Variants in NME1 observed in about 807,000 individuals in gnomAD.
The protein encoded by NME1 is NME/NM23 nucleoside diphosphate kinase 1, also known as nucleoside diphosphate kinase A.
Under a neutral mutation model 17.2 loss-of-function variants are expected in NME1, and 9 were observed. That is an observed-to-expected ratio of 0.52 (90% CI 0.32 to 0.92). The LOEUF (loss-of-function observed/expected upper bound fraction) is 0.92. Ranked by LOEUF, NME1 falls within the 40% of genes least tolerant of loss-of-function variation. NME1 has a pLI of 0.04. For synonymous variants in NME1, 72 were observed against 70.8 expected, an observed-to-expected ratio of 1.02 and a Z score of -0.09; for missense variants, 169 against 201.7, an observed-to-expected ratio of 0.84 and a Z score of 0.98.
intron 2 of NME1, among the ~76,000 whole-genome samples, chr17:51,159,711 T>G (rs1245155739): frequency 1.3e-5 from 2 of 152,026 alleles, no homozygotes; most frequent in African/African-American, 4.8e-5. Context: ...TTTGATTTTT[T>G]TTTAAATGAG....
At chr17:51,157,580 T>C (rs895713927) in intron 2 of NME1, among the ~76,000 whole-genome samples, 7 of 151,708 alleles carry the variant, frequency 4.6e-5, no homozygotes, top group African/African-American at 1.7e-4. Context: ...GAAGGTAACA[T>C]GAGATGGATG....
At chr17:51,161,050 A>C in intron 3 of NME1, 110 bp from the exon 4 acceptor site, 4 of 1,063,562 alleles carry the variant, frequency 3.8e-6, no homozygotes, top group Non-Finnish European at 4.3e-6. Flanking sequence ...TCAGTGAATG[A>C]ATATAATCTT....
intron 3 of NME1, chr17:51,160,959 A>G: frequency 5.6e-6 from 4 of 709,562 alleles, no homozygotes; most frequent in Non-Finnish European, 1.0e-5. Flanking sequence ...TGGAGAATAC[A>G]TTGTAGAAAG....
intron 3 of NME1, among the ~76,000 whole-genome samples, chr17:51,160,899 T>C (rs993041161): frequency 6.6e-6 from 1 of 152,118 alleles, no homozygotes; most frequent in African/African-American, 2.4e-5. Flanking sequence ...CGTGAGCCAC[T>C]GCGCCCTGCC....
At chr17:51,161,701 C>A in intron 4 of NME1, 27 bp from the exon 5 acceptor site, 1 of 1,531,500 alleles carries the variant, frequency 6.5e-7, no homozygotes, top group South Asian at 1.1e-5. Flanking sequence ...TGGTCTTGGT[C>A]ATGTGACTAT....
Position 51,161,944 on chromosome 17 carries a change from T to C in NME1, c.*99T>C. 1 of 834,670 alleles carries C rather than the reference T, an allele frequency of 1.2e-6. No homozygotes were observed. Among genetic ancestry groups the C allele is most frequent in the South Asian group, 1.4e-5 (1 of 73,058 alleles). 51.7% of individuals were successfully genotyped at this position (834,670 alleles called of 1,614,324 possible). Reference sequence around the variant, plus strand: ...AATCTAGTTATTTACAGGAACTTCATCATAATTTGGAGGGAAGCTCTTGGA... The same window carrying C: ...AATCTAGTTATTTACAGGAACTTCACCATAATTTGGAGGGAAGCTCTTGGA... On this transcript the variant is annotated 3_prime_UTR_variant, in exon 5 of 5. Coordinates refer to ENST00000393196, the MANE Select transcript of NME1 (RefSeq NM_000269.3).
chr17:51,160,412 A>G (rs1002878432), intron 3 of NME1: 11 of 397,496 alleles, frequency 2.8e-5, no homozygotes, highest in African/African-American at 2.3e-4. Context: ...CAGCATGTGC[A>G]AAGGTCCCAG....
intron 2 of NME1, among the ~76,000 whole-genome samples, chr17:51,159,186 G>A (rs1318278478): frequency 6.6e-6 from 1 of 152,214 alleles, no homozygotes; most frequent in Non-Finnish European, 1.5e-5. Flanking sequence ...AGGCATGGTG[G>A]GTCACGCCTG....
chr17:51,154,425 A>C lies in NME1; in HGVS notation c.-5+763A>C, dbSNP rs141372856. 65 of 1,613,966 alleles carry C rather than the reference A, an allele frequency of 4.0e-5. No homozygotes were observed. In the African/African-American group the frequency reaches 7.3e-4, roughly 18 times the overall value. ...CGTCTTTCAAGGCGAGGGGCCTCCT[A>C]TCTCAAGCTGTGATACAGGGTAGGT... On this transcript the variant is annotated intron_variant, in intron 1 of 4. Transcript: ENST00000393196.
chr17:51,161,381 A>C, intron 4 of NME1, 109 bp downstream of exon 4: 2 of 1,091,764 alleles, frequency 1.8e-6, no homozygotes, highest in South Asian at 2.7e-5. Context: ...GGTTGATTTT[A>C]TCGGAGTTTA....
At chr17:51,158,297 C>T (rs373817285) in intron 2 of NME1, among the ~76,000 whole-genome samples, 38 of 151,740 alleles carry the variant, frequency 2.5e-4, no homozygotes, top group African/African-American at 8.7e-4. Flanking sequence ...GATAATTAGC[C>T]GGGTGTAGTG....
At chr17:51,158,261 C>T (rs935359896) in intron 2 of NME1, among the ~76,000 whole-genome samples, 3 of 152,120 alleles carry the variant, frequency 2.0e-5, no homozygotes, top group African/African-American at 7.2e-5. Flanking sequence ...GCCTGGGTAA[C>T]AGAGCAAGAC....
chr17:51,159,107 G>A (rs1431153487), intron 2 of NME1, among the ~76,000 whole-genome samples: 2 of 152,096 alleles, frequency 1.3e-5, no homozygotes, highest in Non-Finnish European at 2.9e-5. Flanking sequence ...TTTTATTTGG[G>A]GTTTGCTCTG....
At chr17:51,154,363 G>C in intron 1 of NME1, 1 of 1,613,704 alleles carries the variant, frequency 6.2e-7, no homozygotes, top group Non-Finnish European at 8.5e-7. Flanking sequence ...ACAGGAAGAT[G>C]GGGCCAAGAG....
Position 51,161,845 on chromosome 17 carries a change from A to G in NME1, c.459A>G (p.Ter153TrpextTer91), listed in dbSNP as rs769971227. ...GTGCTCAGAACTGGATCTATGAATGACAGGAGGGCAGACCACATTGCTTTT... is the reference window on the plus strand; with the variant it reads ...GTGCTCAGAACTGGATCTATGAATGGCAGGAGGGCAGACCACATTGCTTTT... ...TSCAQNWIYE[*>W] The change falls in exon 5 of 5, where the codon TGA (stop) becomes TGG (tryptophan). Residue 153 changes from the stop codon to tryptophan (W), a stop_lost. Coordinates refer to ENST00000393196, the MANE Select transcript of NME1 (RefSeq NM_000269.3). 8.2e-6 allele frequency: 13 copies of G among 1,590,460 alleles called. No homozygotes were observed. The highest frequency in any genetic ancestry group is 1.7e-4 in the Middle Eastern group (1 of 5,800).
At chr17:51,158,124 A>G (rs2049813506) in intron 2 of NME1, among the ~76,000 whole-genome samples, 1 of 152,220 alleles carries the variant, frequency 6.6e-6, no homozygotes, top group Non-Finnish European at 1.5e-5. Context: ...TACTAAAAAT[A>G]CAAAATTTAG....
intron 3 of NME1, chr17:51,160,610 CTT>C (rs1161137953): frequency 0.011 from 2,002 of 181,556 alleles, no homozygotes; most frequent in South Asian, 0.027. Flanking sequence ...CTTGGCATTT[CTT>C]TTTTTTTTTT....
chr17:51,154,549 C>G (rs2049756956), intron 1 of NME1: 2 of 953,790 alleles, frequency 2.1e-6, no homozygotes, highest in Non-Finnish European at 3.4e-6. Context: ...TTCCTAATGT[C>G]TGTAGTTCTC....
In NME1 at chr17:51,155,777, G is replaced by A; in HGVS notation, c.123G>A (p.Met41Ile). The A allele has an allele frequency of 6.2e-7, 1 of 1,613,580 alleles. No individual in the cohort carries two copies. Among genetic ancestry groups the A allele is most frequent in the Non-Finnish European group, 8.5e-7 (1 of 1,179,662 alleles). The stretch of plus-strand genomic sequence containing the variant: ...TCCGCCTTGTTGGTCTGAAATTCAT[G>A]CAAGTAAGTGGACTTCATTGTTCCC... Reference protein sequence around the residue: ...KGFRLVGLKFMQASEDLLKEH... With the variant: ...KGFRLVGLKFIQASEDLLKEH... Residue 41 changes from methionine to isoleucine, a missense_variant, in exon 2 of 5, where the codon ATG becomes ATA. Coordinates refer to ENST00000393196, the MANE Select transcript of NME1 (RefSeq NM_000269.3).
Sources: allele counts gnomAD v4.1 joint callset (sites outside exome capture counted in the v4.1 genomes callset), GRCh38; gene constraint gnomAD v4.1.1; transcripts MANE v1.5; gene names NCBI Gene and HGNC (gene_info 2026-07-23, HGNC 2026-07-21).